Variants in CLIC4 observed in about 807,000 individuals in gnomAD.
CLIC4 encodes the protein CLIC family member 4.
Under a neutral mutation model 24.6 loss-of-function variants are expected in CLIC4, and 13 were observed. The observed-to-expected ratio is 0.53, with a 90% CI of 0.34 to 0.84. The LOEUF (loss-of-function observed/expected upper bound fraction) is 0.84, where lower values mean the gene tolerates loss of function less well. Ranked by LOEUF, CLIC4 falls within the 40% of genes least tolerant of loss-of-function variation. CLIC4 has a pLI of 0.01. For synonymous variants in CLIC4, 104 were observed against 111.3 expected (o/e 0.93, Z 0.41); for missense variants, 227 against 301.7 (o/e 0.75, Z 1.83).
At chr1:24,807,130 C>G (rs1387207439) in intron 2 of CLIC4, among the ~76,000 whole-genome samples, 4 of 150,948 alleles carry the variant, frequency 2.6e-5, no homozygotes, top group African/African-American at 9.7e-5. Context: ...ACCCCCATCT[C>G]TAAAAAAAAA....
chr1:24,791,650 T>C lies in CLIC4; in HGVS notation c.73-6092T>C, dbSNP rs189730071. Among the ~76,000 whole-genome samples the C allele has an allele frequency of 1.3e-3, 204 of 151,696 alleles. 1 individual carries two copies. The highest frequency in any genetic ancestry group is 4.1e-3 in the African/African-American group (168 of 41,364). On this transcript the variant is annotated intron_variant, in intron 1 of 5. Transcript: ENST00000374379. ...GGGCATTTTGGGAGGCCGAGGCGGG[T>C]GGATCACCTGAGGTCAGGAGTTCGA...
intron 1 of CLIC4, among the ~76,000 whole-genome samples, chr1:24,767,045 A>G (rs1199336698): frequency 1.3e-5 from 2 of 148,928 alleles, no homozygotes; most frequent in Non-Finnish European, 3.0e-5. Flanking sequence ...AAAAAAAAAA[A>G]AAAGAAAAAG....
chr1:24,766,443 G>A (rs1638996406), intron 1 of CLIC4, among the ~76,000 whole-genome samples: 1 of 81,278 alleles, frequency 1.2e-5, no homozygotes, highest in African/African-American at 4.4e-5. Flanking sequence ...CTTTTTTTTA[G>A]ATATCAGGTC....
At chr1:24,808,519 G>T (rs946470179) in intron 2 of CLIC4, among the ~76,000 whole-genome samples, 2 of 145,350 alleles carry the variant, frequency 1.4e-5, no homozygotes, top group African/African-American at 2.5e-5. Context: ...CCCCCGCCCT[G>T]CCGCCCTTTT....
At chr1:24,799,477 G>A (rs1433425366) in intron 2 of CLIC4, among the ~76,000 whole-genome samples, 1 of 149,166 alleles carries the variant, frequency 6.7e-6, no homozygotes, top group Non-Finnish European at 1.5e-5. Flanking sequence ...GAGAAGTGAG[G>A]AGCCTCTCCA....
intron 4 of CLIC4, among the ~76,000 whole-genome samples, chr1:24,836,554 A>G (rs1346462087): frequency 6.6e-6 from 1 of 152,214 alleles, no homozygotes; most frequent in African/African-American, 2.4e-5. Flanking sequence ...AAGTACAGCT[A>G]GAACGGGGCA....
intron 1 of CLIC4, among the ~76,000 whole-genome samples, chr1:24,778,839 CTGAGA>C (rs1639172219): frequency 6.6e-6 from 1 of 152,146 alleles, no homozygotes; most frequent in African/African-American, 2.4e-5. Flanking sequence ...GTGGTTCTGG[CTGAGA>C]TATTTCAGAT....
At chr1:24,802,475 T>G (rs1427284063) in intron 2 of CLIC4, among the ~76,000 whole-genome samples, 1 of 152,162 alleles carries the variant, frequency 6.6e-6, no homozygotes, top group African/African-American at 2.4e-5. Context: ...TAGGGCTTTA[T>G]GTAAAATCAA....
chr1:24,763,763 T>C (rs1638958677), intron 1 of CLIC4, among the ~76,000 whole-genome samples: 1 of 152,184 alleles, frequency 6.6e-6, no homozygotes, highest in Admixed American at 6.5e-5. Flanking sequence ...TCCATAATCC[T>C]GTAAATCTCC....
chr1:24,778,166 G>A (rs1639162988), intron 1 of CLIC4, among the ~76,000 whole-genome samples: 1 of 152,170 alleles, frequency 6.6e-6, no homozygotes, highest in South Asian at 2.1e-4. Flanking sequence ...TTGCTCTGGT[G>A]TAAGAAACTA....
At position 24,794,303 on chromosome 1, in the gene CLIC4, A is replaced by G. The variant is rs112102195; in HGVS notation, c.73-3439A>G. 6.1e-3 allele frequency among the ~76,000 whole-genome samples: 924 copies of G among 150,400 alleles called. 10 individuals are homozygous for G. Among genetic ancestry groups the G allele is most frequent in the African/African-American group, 0.022 (888 of 40,972 alleles). ...AATAGTTTAACTAATTTACACTCCC[A>G]CCAGCAGCGTATAGTGTTCCCTTTT... On this transcript the variant is annotated intron_variant, in intron 1 of 5. Transcript: ENST00000374379.
intron 2 of CLIC4, among the ~76,000 whole-genome samples, chr1:24,799,070 A>G (rs369250451): frequency 0.02 from 2,959 of 151,478 alleles, 92 homozygotes; most frequent in African/African-American, 0.068. Context: ...CCGCCACCCC[A>G]TCTGGGAAGT....
At chr1:24,810,615 T>A (rs2124148308) in intron 2 of CLIC4, among the ~76,000 whole-genome samples, 1 of 152,238 alleles carries the variant, frequency 6.6e-6, no homozygotes, top group South Asian at 2.1e-4. Flanking sequence ...ACAAAAAATT[T>A]TTTAAAAATT....
At position 24,843,521 on chromosome 1, in the gene CLIC4, G is replaced by C. The variant is rs1639964237; in HGVS notation, c.*2584G>C. 1 of 152,112 alleles carries C rather than the reference G, an allele frequency of 6.6e-6. No individual in the cohort carries two copies. Among genetic ancestry groups the C allele is most frequent in the Non-Finnish European group, 1.5e-5 (1 of 67,992 alleles). 9.4% of individuals were successfully genotyped at this position (152,112 alleles called of 1,614,324 possible). A position where few individuals can be genotyped will look rare whatever the true frequency, so the allele number is the denominator to read the frequency against. ...TTCCAAGAGATTCTGAGAAATTTTT[G>C]TATTCAGCAGTTGGAAAGCTCTCTA... On this transcript the variant is annotated 3_prime_UTR_variant, in exon 6 of 6. Coordinates refer to ENST00000374379, the MANE Select transcript of CLIC4 (RefSeq NM_013943.3).
At chr1:24,770,156 A>AT (rs1639053693) in intron 1 of CLIC4, among the ~76,000 whole-genome samples, 1 of 152,120 alleles carries the variant, frequency 6.6e-6, no homozygotes, top group Non-Finnish European at 1.5e-5. Flanking sequence ...GGCCTCACAT[A>AT]TTTTGATTTT....
At chr1:24,815,130 G>C (rs542990908) in intron 3 of CLIC4, among the ~76,000 whole-genome samples, 18 of 152,306 alleles carry the variant, frequency 1.2e-4, no homozygotes, top group African/African-American at 3.8e-4. Flanking sequence ...ATTTACAGTA[G>C]TATACTGTAG....
chr1:24,797,620 C>T (rs1296531439), intron 1 of CLIC4, 122 bp from the exon 2 acceptor site: 4 of 556,730 alleles, frequency 7.2e-6, no homozygotes, highest in Non-Finnish European at 1.2e-5. Flanking sequence ...AATTTCTACT[C>T]TTCCTTCCAC....
At chr1:24,823,118 G>GT (rs1157410333) in intron 3 of CLIC4, among the ~76,000 whole-genome samples, 2 of 152,130 alleles carry the variant, frequency 1.3e-5, no homozygotes, top group Admixed American at 6.5e-5. Flanking sequence ...GAACTGAGTG[G>GT]TTTTTTGTGA....
chr1:24,760,351 C>T (rs988863229), intron 1 of CLIC4, among the ~76,000 whole-genome samples: 5 of 151,722 alleles, frequency 3.3e-5, no homozygotes, highest in African/African-American at 9.7e-5. Context: ...CAGAGGGGGA[C>T]TCCATCTCAA....
Sources: gnomAD v4.1 joint callset for allele counts (sites outside exome capture counted in the v4.1 genomes callset) on GRCh38, gnomAD v4.1.1 for gene constraint, MANE v1.5 for transcripts, NCBI Gene and HGNC (gene_info 2026-07-23, HGNC 2026-07-21) for gene names.